Variants in MTSS1 observed in about 807,000 individuals in gnomAD.
The protein encoded by MTSS1 is protein MTSS 1.
In MTSS1, 18 loss-of-function variants were observed where a neutral mutation model predicts 79.0. That is an observed-to-expected ratio of 0.23 (90% CI 0.16 to 0.34). MTSS1 has a LOEUF of 0.34. MTSS1 is among the 10% of genes least tolerant of loss of function. The pLI is 1.00. For synonymous variants in MTSS1, 341 were observed against 368.6 expected (o/e 0.93, Z 0.86); for missense variants, 815 against 986.2 (o/e 0.83, Z 2.33).
intron 3 of MTSS1, among the ~76,000 whole-genome samples, chr8:124,660,491 G>T (rs1199335675): frequency 6.6e-6 from 1 of 150,722 alleles, no homozygotes; most frequent in Non-Finnish European, 1.5e-5. Context: ...CTGAAGGGTG[G>T]AGGCAAGATC....
At chr8:124,557,284 C>G (rs1049848732) in intron 11 of MTSS1, among the ~76,000 whole-genome samples, 2 of 152,196 alleles carry the variant, frequency 1.3e-5, no homozygotes, top group Non-Finnish European at 2.9e-5. Flanking sequence ...GAAAGTCCCC[C>G]CTAAACCCCC....
chr8:124,557,897 G>A (rs200146187), intron 10 of MTSS1, 22 bp from the exon 11 acceptor site: 7 of 1,532,154 alleles, frequency 4.6e-6, no homozygotes, highest in Middle Eastern at 1.8e-4. Flanking sequence ...CAAAAAAAGG[G>A]GGGGGGAAGG....
In MTSS1 at chr8:124,683,824, A is replaced by G. The variant is rs939097202; in HGVS notation, c.208+15702T>C. On this transcript the variant is annotated intron_variant, in intron 3 of 13. Coordinates refer to ENST00000518547, the MANE Select transcript of MTSS1 (RefSeq NM_014751.6). The surrounding 1 kb of genome is among the most constrained non-coding windows in gnomAD (Gnocchi z 4.5). ...TGCAGCCTCTTCCAGTGTCAATAAG[A>G]GAAGTTACCAAGTGGATGGTGGTGA... 1.3e-5 allele frequency among the ~76,000 whole-genome samples: 2 copies of G among 152,182 alleles called. No individual in the cohort carries two copies. The highest frequency in any genetic ancestry group is 4.8e-5 in the African/African-American group (2 of 41,442).
intron 3 of MTSS1, among the ~76,000 whole-genome samples, chr8:124,643,238 T>C (rs1402173386): frequency 6.6e-6 from 1 of 152,068 alleles, no homozygotes; most frequent in African/African-American, 2.4e-5. Flanking sequence ...GGAAATAAGA[T>C]ATGCAAAAAG....
At position 124,553,567 on chromosome 8, in the gene MTSS1, T is replaced by G; in HGVS notation, c.1693A>C (p.Lys565Gln). ...AGGCCAGCAGTTGAGGCTGGACGCTTGGCTTGGAACATCCGTCGGTAGGAC... is the reference window on the plus strand; with the variant it reads ...AGGCCAGCAGTTGAGGCTGGACGCTGGGCTTGGAACATCCGTCGGTAGGAC... The part of the protein sequence containing the change: ...SQSYRRMFQA[K>Q]RPASTAGLPT... The change falls in exon 14 of 14, where the codon AAG (lysine) becomes CAG (glutamine). Residue 565 changes from lysine to glutamine, a missense_variant. Around this residue, in one of 2 missense-constraint regions of MTSS1, gnomAD observed 590 missense variants for 620.8 expected, o/e 0.95. Coordinates refer to ENST00000518547, the MANE Select transcript of MTSS1 (RefSeq NM_014751.6). This position sits in a 1 kb window ranked among gnomAD's most constrained non-coding sequence, Gnocchi z 6.0. The G allele has an allele frequency of 1.2e-6, 2 of 1,614,192 alleles. No individual in the cohort carries two copies. The highest frequency in any genetic ancestry group is 1.7e-6 in the Non-Finnish European group (2 of 1,180,034).
intron 3 of MTSS1, among the ~76,000 whole-genome samples, chr8:124,642,500 T>C (rs552199586): frequency 1.3e-5 from 2 of 152,384 alleles, no homozygotes; most frequent in African/African-American, 4.8e-5. Flanking sequence ...TCTAGGCATC[T>C]CCTTAGCTAG....
At chr8:124,716,500 G>A (rs1378274778) in intron 1 of MTSS1, among the ~76,000 whole-genome samples, 1 of 152,090 alleles carries the variant, frequency 6.6e-6, no homozygotes, top group Non-Finnish European at 1.5e-5. Context: ...TGACCCAGGG[G>A]GCACTCCCAC....
At chr8:124,580,981 A>T (rs958339220) in intron 6 of MTSS1, among the ~76,000 whole-genome samples, 15 of 152,220 alleles carry the variant, frequency 9.9e-5, no homozygotes, top group African/African-American at 3.4e-4. Context: ...GAAAAAAAAA[A>T]TTAAAGAGTT....
chr8:124,610,237 T>G (rs1258823862), intron 3 of MTSS1, among the ~76,000 whole-genome samples: 2 of 152,124 alleles, frequency 1.3e-5, no homozygotes, highest in Non-Finnish European at 2.9e-5. Flanking sequence ...AAACAACGAA[T>G]CAAGTCGTTT....
intron 2 of MTSS1, among the ~76,000 whole-genome samples, chr8:124,703,147 ATC>A (rs1166563974): frequency 1.3e-5 from 2 of 152,270 alleles, no homozygotes; most frequent in African/African-American, 4.8e-5. Flanking sequence ...ACCCCAAAAG[ATC>A]TGTCTTACCC....
intron 3 of MTSS1, among the ~76,000 whole-genome samples, chr8:124,607,432 G>A (rs1474309228): frequency 6.6e-6 from 1 of 152,116 alleles, no homozygotes; most frequent in Admixed American, 6.5e-5. Flanking sequence ...TTCCCCAGAT[G>A]GTTTCTGAAT....
chr8:124,656,467 T>G (rs1249902924), intron 3 of MTSS1, among the ~76,000 whole-genome samples: 1 of 151,948 alleles, frequency 6.6e-6, no homozygotes, highest in Admixed American at 6.5e-5. Context: ...GGACCTTTTT[T>G]TTTTTTTTTA....
At chr8:124,709,008 G>T (rs745337588) in intron 1 of MTSS1, among the ~76,000 whole-genome samples, 27 of 151,656 alleles carry the variant, frequency 1.8e-4, no homozygotes, top group Non-Finnish European at 3.4e-4. Context: ...AGATATTTTT[G>T]TAAGTTTCTT....
intron 3 of MTSS1, among the ~76,000 whole-genome samples, chr8:124,698,328 G>A (rs1829176096): frequency 6.6e-6 from 1 of 152,020 alleles, no homozygotes; most frequent in Admixed American, 6.6e-5. Context: ...ATTTTCCAAT[G>A]TCACCACGAC....
Position 124,607,390 on chromosome 8 carries a change from C to G in MTSS1, c.209-16155G>C, listed in dbSNP as rs144902451. Among the ~76,000 whole-genome samples, 3 of 152,346 alleles carry G rather than the reference C, an allele frequency of 2.0e-5. No homozygotes were observed. In the East Asian group the frequency reaches 5.8e-4, roughly 29 times the overall value. ...GTATACTATCTTCTTCTCCTCCTCT[C>G]TATCTCTTCAATTTCTATCTCAAGT... is the stretch of plus-strand genomic sequence containing the variant. On this transcript the variant is annotated intron_variant, in intron 3 of 13. Transcript: ENST00000518547.
Position 124,557,868 on chromosome 8 carries a change from T to A in MTSS1, c.1043A>T (p.Asn348Ile). The change falls in exon 11 of 14, where the codon AAC becomes ATC. Residue 348 changes from asparagine (N) to isoleucine (I), a missense_variant. This residue lies in a region of MTSS1 where 590 missense variants were observed against 620.8 expected (regional missense o/e 0.95). Coordinates refer to ENST00000518547, the MANE Select transcript of MTSS1 (RefSeq NM_014751.6). ...MPPEAPNQLS[N>I]GFSHYSLSSE... ...TGATAAACTATAGTGAGAAAACCCG[T>A]TAGACAACTGGAAACAAACAAAAAA... The A allele has an allele frequency of 6.3e-7, 1 of 1,578,690 alleles. No homozygotes were observed. The highest frequency in any genetic ancestry group is 8.6e-7 in the Non-Finnish European group (1 of 1,161,162).
intron 2 of MTSS1, among the ~76,000 whole-genome samples, chr8:124,702,215 C>T (rs7836872): frequency 0.37 from 56,062 of 151,972 alleles, 11,103 homozygotes; most frequent in East Asian, 0.5. Context: ...GGGAAATGTA[C>T]TTAAATGTTT....
chr8:124,610,816 T>G (rs117776028), intron 3 of MTSS1, among the ~76,000 whole-genome samples: 4 of 152,258 alleles, frequency 2.6e-5, no homozygotes, highest in South Asian at 4.1e-4. Context: ...GCTCTGGCAA[T>G]GCCTGCCATG....
intron 3 of MTSS1, among the ~76,000 whole-genome samples, chr8:124,646,606 T>G (rs62530691): frequency 0.14 from 20,671 of 152,120 alleles, 2,284 homozygotes; most frequent in African/African-American, 0.31. Context: ...AGAATTTGGA[T>G]GTGATGAAAG....
Sources: gnomAD v4.1 joint callset for allele counts (sites outside exome capture counted in the v4.1 genomes callset) on GRCh38, gnomAD v4.1.1 for gene constraint, gnomAD v4.1.1 regional missense constraint, Gnocchi (gnomAD v3.1) non-coding constraint, MANE v1.5 for transcripts, NCBI Gene and HGNC (gene_info 2026-07-23, HGNC 2026-07-21) for gene names.